The following TDRD12 variants were observed in gnomAD, a reference collection of about 807,000 sequenced individuals.
TDRD12 encodes the protein tudor domain containing 12, also known as putative ATP-dependent RNA helicase TDRD12.
A neutral mutation model predicts 133.5 loss-of-function variants in TDRD12; 158 were observed. The observed-to-expected ratio is 1.18, with a 90% CI of 1.04 to 1.35. The LOEUF (loss-of-function observed/expected upper bound fraction) is 1.35. TDRD12 is among the 40% of genes most tolerant of loss of function. The probability of loss-of-function intolerance (pLI) is 0.00; values close to 1 mark genes in which losing one functional copy is unlikely to be tolerated. For missense variants in TDRD12, 1,443 were observed against 1,321.3 expected (o/e 1.09, Z -1.43); for synonymous variants, 460 against 477.9 (o/e 0.96, Z 0.49).
At chr19:32,797,356 T>C (rs1971261642) in intron 14 of TDRD12, among the ~76,000 whole-genome samples, 1 of 152,164 alleles carries the variant, frequency 6.6e-6, no homozygotes, top group Admixed American at 6.5e-5. Flanking sequence ...GCAGGGGATG[T>C]GGAGCCAGAC....
At chr19:32,747,395 C>T (rs1465912617) in intron 4 of TDRD12, among the ~76,000 whole-genome samples, 1 of 152,152 alleles carries the variant, frequency 6.6e-6, no homozygotes, top group African/African-American at 2.4e-5. Context: ...AAATAACCAA[C>T]ATTTTTGAGT....
chr19:32,719,982 G>C, exon 1 of TDRD12: 1 of 1,475,780 alleles, frequency 6.8e-7, no homozygotes, highest in Non-Finnish European at 9.2e-7. Flanking sequence ...TCGCGGCGGG[G>C]GCCTGGCCGG....
exon 6 of TDRD12, chr19:32,749,855 A>G (rs1038047346): frequency 6.5e-7 from 1 of 1,540,724 alleles, no homozygotes; most frequent in African/African-American, 1.4e-5. Context: ...TTATGTAACT[A>G]TAAAAGATGA....
At chr19:32,795,709 G>A (rs1030046849) in intron 14 of TDRD12, among the ~76,000 whole-genome samples, 2 of 152,176 alleles carry the variant, frequency 1.3e-5, no homozygotes, top group Admixed American at 1.3e-4. Flanking sequence ...AAGAAGAGAG[G>A]CTTAACTGGC....
chr19:32,790,868 T>C (rs1232193561), intron 12 of TDRD12, 96 bp from the exon 13 acceptor site: 1 of 1,475,206 alleles, frequency 6.8e-7, no homozygotes, highest in East Asian at 2.5e-5. Context: ...GTGTTTACAT[T>C]GAAATCTATA....
chr19:32,813,723 C>A (rs1286849219), exon 25 of TDRD12: 14 of 1,535,004 alleles, frequency 9.1e-6, no homozygotes, highest in Middle Eastern at 1.7e-4. Flanking sequence ...TGGAAAATTG[C>A]ATGATGCAAA....
chr19:32,721,722 T>TGTTATG, intron 1 of TDRD12, among the ~76,000 whole-genome samples: 2 of 140,988 alleles, frequency 1.4e-5, no homozygotes, highest in African/African-American at 5.5e-5. Context: ...TTTTATTTTA[T>TGTTATG]TTTGAGAAGG....
chr19:32,811,287 G>T, exon 24 of TDRD12: 2 of 1,536,114 alleles, frequency 1.3e-6, no homozygotes, highest in South Asian at 2.4e-5. Context: ...ATCGATGAAG[G>T]CAGGACGGGG....
rs140141702 is a variant in TDRD12, at chr19:32,796,067, G to A, written c.1473+1254G>A. ...GAGAAAGAGGTGGTGGGAAAGAGAGGAGCGGTGTGAAGGTAAATGATGCAG... is the reference window on the plus strand; with the variant it reads ...GAGAAAGAGGTGGTGGGAAAGAGAGAAGCGGTGTGAAGGTAAATGATGCAG... On this transcript the variant is annotated intron_variant, in intron 14 of 27. Transcript: ENST00000444215. 816 of 677,092 alleles carry A rather than the reference G, an allele frequency of 1.2e-3. 4 individuals carry two copies. The African/African-American group carries it at 0.015, about 12-fold the overall frequency. The allele number at this position is 677,092 out of a possible 1,614,324, so 41.9% of individuals were successfully genotyped here. A position where few individuals can be genotyped will look rare whatever the true frequency, so the allele number is the denominator to read the frequency against.
rs1370571959 is a variant in TDRD12, at chr19:32,813,668, T to G, written c.3049-16T>G. The G allele has an allele frequency of 6.9e-7, 1 of 1,443,946 alleles. No homozygotes were observed. Among genetic ancestry groups the G allele is most frequent in the Non-Finnish European group, 9.4e-7 (1 of 1,067,868 alleles). 89.4% of individuals were successfully genotyped at this position (1,443,946 alleles called of 1,614,324 possible). ...GTTAAAGCCTCACCTAAAATAATGT[T>G]AAGTGCTTTTTTCAGGTTACTAGGT... On this transcript the variant is annotated splice_polypyrimidine_tract_variant and intron_variant, in intron 24 of 27. Coordinates refer to ENST00000444215, the Ensembl canonical transcript of TDRD12.
intron 6 of TDRD12, among the ~76,000 whole-genome samples, chr19:32,752,781 C>G (rs1436379153): frequency 2.0e-5 from 3 of 150,572 alleles, no homozygotes; most frequent in Admixed American, 2.0e-4. Flanking sequence ...TAGAATCAGC[C>G]ACTTCTTCCT....
intron 10 of TDRD12, among the ~76,000 whole-genome samples, chr19:32,773,733 CAA>C (rs762582102): frequency 3.9e-5 from 6 of 152,074 alleles, no homozygotes; most frequent in Non-Finnish European, 7.3e-5. Flanking sequence ...GTGTAATTGA[CAA>C]GAGACTTAAG....
intron 23 of TDRD12, among the ~76,000 whole-genome samples, chr19:32,810,549 G>C (rs1480230959): frequency 6.6e-6 from 1 of 152,216 alleles, no homozygotes; most frequent in Non-Finnish European, 1.5e-5. Context: ...TTCCTATCAA[G>C]TGGGCATCAT....
intron 23 of TDRD12, among the ~76,000 whole-genome samples, chr19:32,810,707 C>T (rs2145727781): frequency 6.6e-6 from 1 of 152,250 alleles, no homozygotes; most frequent in East Asian, 1.9e-4. Context: ...CACCTGGCAC[C>T]ACTTGGTGAT....
At chr19:32,762,366 G>A (rs1970174529) in intron 8 of TDRD12, among the ~76,000 whole-genome samples, 1 of 152,166 alleles carries the variant, frequency 6.6e-6, no homozygotes, top group Non-Finnish European at 1.5e-5. Context: ...AAGGGTGTAA[G>A]GTCTGTGCCT....
At chr19:32,772,787 A>G in exon 9 of TDRD12, 1 of 1,517,894 alleles carries the variant, frequency 6.6e-7, no homozygotes, top group Non-Finnish European at 8.8e-7. Flanking sequence ...ATTCATTGAG[A>G]GATTCACCTA....
At chr19:32,743,997 C>T (rs1599846752) in intron 4 of TDRD12, among the ~76,000 whole-genome samples, 1 of 147,148 alleles carries the variant, frequency 6.8e-6, no homozygotes, top group African/African-American at 2.5e-5. Flanking sequence ...CACTGCACTC[C>T]AGCCTGGGCA....
exon 24 of TDRD12, chr19:32,811,391 G>C (rs918540917): frequency 5.2e-6 from 8 of 1,536,010 alleles, no homozygotes; most frequent in African/African-American, 1.4e-5. Flanking sequence ...GGTGAAACCT[G>C]CTGACAACGA....
At chr19:32,772,800 G>C in exon 9 of TDRD12, 1 of 1,515,164 alleles carries the variant, frequency 6.6e-7, no homozygotes, top group Non-Finnish European at 8.8e-7. Flanking sequence ...TTCACCTAAA[G>C]ACAAATCTGA....
Sources: allele counts gnomAD v4.1 joint callset (sites outside exome capture counted in the v4.1 genomes callset), GRCh38; gene constraint gnomAD v4.1.1; transcripts MANE v1.5; gene names NCBI Gene and HGNC (gene_info 2026-07-23, HGNC 2026-07-21).